Variants in NPAS3 observed in about 807,000 individuals in gnomAD.
The protein encoded by NPAS3 is neuronal PAS domain protein 3.
Under a neutral mutation model 73.1 loss-of-function variants are expected in NPAS3, and 14 were observed. The observed-to-expected ratio is 0.19, with a 90% CI of 0.13 to 0.30. The LOEUF is 0.30. Ranked by LOEUF, NPAS3 falls within the 10% of genes least tolerant of loss-of-function variation. The pLI, the probability that NPAS3 is intolerant of heterozygous loss-of-function variation, is 1.00. For missense variants in NPAS3, 1,096 were observed against 1,250.0 expected, an observed-to-expected ratio of 0.88 and a Z score of 1.86; for synonymous variants, 620 against 541.5, an observed-to-expected ratio of 1.14 and a Z score of -2.01.
intron 1 of NPAS3, among the ~76,000 whole-genome samples, chr14:33,032,659 C>T (rs949664479): frequency 1.3e-5 from 2 of 152,194 alleles, no homozygotes; most frequent in African/African-American, 2.4e-5. Flanking sequence ...GCGGTTTACA[C>T]GGACTCCCAG....
chr14:33,022,096 T>C (rs537196534), intron 1 of NPAS3, among the ~76,000 whole-genome samples: 1 of 152,314 alleles, frequency 6.6e-6, no homozygotes, highest in East Asian at 1.9e-4. Context: ...TGTAGCCTCC[T>C]GCTCACCTAC....
chr14:33,729,535 G>A (rs1009320822), intron 6 of NPAS3, among the ~76,000 whole-genome samples: 9 of 152,076 alleles, frequency 5.9e-5, no homozygotes, highest in South Asian at 2.1e-4. Flanking sequence ...GATGGCAGCC[G>A]GAGCACAGTC....
At chr14:33,372,743 T>C (rs1566842507) in intron 4 of NPAS3, among the ~76,000 whole-genome samples, 1 of 152,236 alleles carries the variant, frequency 6.6e-6, no homozygotes, top group Non-Finnish European at 1.5e-5. Flanking sequence ...CAAGGCATTA[T>C]AGTTCACTAA....
At chr14:33,146,894 G>A (rs2044254931) in intron 2 of NPAS3, among the ~76,000 whole-genome samples, 1 of 152,160 alleles carries the variant, frequency 6.6e-6, no homozygotes, top group Non-Finnish European at 1.5e-5. Flanking sequence ...TTCCTTCCCT[G>A]TTTCCTTTGT....
intron 7 of NPAS3, among the ~76,000 whole-genome samples, chr14:33,762,806 G>A (rs899365630): frequency 1.3e-5 from 2 of 152,170 alleles, no homozygotes; most frequent in African/African-American, 2.4e-5. Context: ...TTGGTGACAC[G>A]CACAAAAGTC....
intron 4 of NPAS3, among the ~76,000 whole-genome samples, chr14:33,514,753 T>G (rs954823730): frequency 1.3e-5 from 2 of 152,096 alleles, no homozygotes; most frequent in Admixed American, 6.6e-5. Flanking sequence ...CTGACATACC[T>G]GTGATTATTT....
chr14:33,697,415 T>G (rs1048755895), intron 6 of NPAS3, among the ~76,000 whole-genome samples: 1 of 152,216 alleles, frequency 6.6e-6, no homozygotes, highest in Admixed American at 6.5e-5. Flanking sequence ...CGGTTTTGAA[T>G]GATTTATTCT....
At chr14:33,756,285 T>C (rs962197825) in intron 7 of NPAS3, among the ~76,000 whole-genome samples, 3 of 152,188 alleles carry the variant, frequency 2.0e-5, no homozygotes, top group African/African-American at 7.2e-5. Context: ...TACTACATAG[T>C]GAATGCCCTG....
intron 4 of NPAS3, among the ~76,000 whole-genome samples, chr14:33,380,113 G>A (rs2046481793): frequency 6.6e-6 from 1 of 151,808 alleles, no homozygotes; most frequent in African/African-American, 2.4e-5. Flanking sequence ...TTAGGTATCT[G>A]ACTTTTTGTA....
chr14:33,241,934 T>C (rs952471514), intron 3 of NPAS3, among the ~76,000 whole-genome samples: 3 of 152,040 alleles, frequency 2.0e-5, no homozygotes, highest in Admixed American at 6.6e-5. Flanking sequence ...GACATGCATA[T>C]TGATGTAACA....
chr14:33,570,015 A>G (rs1457219427), intron 5 of NPAS3, among the ~76,000 whole-genome samples: 2 of 152,222 alleles, frequency 1.3e-5, no homozygotes, highest in Admixed American at 6.5e-5. Flanking sequence ...TTGTATTACA[A>G]TACAGATGGG....
At chr14:32,995,563 T>C (rs1279202) in intron 1 of NPAS3, among the ~76,000 whole-genome samples, 147,774 of 152,344 alleles carry the variant, frequency 0.97, 71,737 homozygotes, top group East Asian at 1. Context: ...ACAATTCCCA[T>C]GTATTGTGGG....
intron 4 of NPAS3, among the ~76,000 whole-genome samples, chr14:33,481,792 A>C (rs925545780): frequency 6.7e-6 from 1 of 149,166 alleles, no homozygotes; most frequent in Non-Finnish European, 1.5e-5. Context: ...TCAAAAAAAT[A>C]AAAAAAAATA....
intron 5 of NPAS3, among the ~76,000 whole-genome samples, chr14:33,576,008 G>C (rs960439754): frequency 6.6e-6 from 1 of 151,832 alleles, no homozygotes; most frequent in African/African-American, 2.4e-5. Flanking sequence ...TCAACCCTTA[G>C]GTTGCCAAAT....
intron 1 of NPAS3, among the ~76,000 whole-genome samples, chr14:33,019,194 G>A (rs1299542745): frequency 6.6e-6 from 1 of 152,204 alleles, no homozygotes; most frequent in Non-Finnish European, 1.5e-5. Flanking sequence ...GCCAGCCCAA[G>A]CTGTTTAGCA....
intron 2 of NPAS3, among the ~76,000 whole-genome samples, chr14:33,155,414 C>T (rs950753234): frequency 1.3e-5 from 2 of 152,098 alleles, no homozygotes; most frequent in Non-Finnish European, 2.9e-5. Flanking sequence ...TGAGGAGGAA[C>T]TGGGTATCTC....
intron 6 of NPAS3, among the ~76,000 whole-genome samples, chr14:33,684,245 A>C (rs2060023789): frequency 6.7e-6 from 1 of 150,114 alleles, no homozygotes; most frequent in Admixed American, 6.6e-5. Flanking sequence ...TTTTTAACAT[A>C]GTCTCTTACT....
chr14:33,388,158 G>C (rs1030141213), intron 4 of NPAS3, among the ~76,000 whole-genome samples: 3 of 152,294 alleles, frequency 2.0e-5, no homozygotes, highest in South Asian at 2.1e-4. Flanking sequence ...TATAGGAAGT[G>C]GCCCTGTGTG....
chr14:33,158,136 G>T (rs754969379), intron 2 of NPAS3, among the ~76,000 whole-genome samples: 3 of 152,186 alleles, frequency 2.0e-5, no homozygotes, highest in South Asian at 2.1e-4. Context: ...ATTCAAAATC[G>T]TTGAGCAGTG....
Sources: gnomAD v4.1 joint callset for allele counts (sites outside exome capture counted in the v4.1 genomes callset) on GRCh38, gnomAD v4.1.1 for gene constraint, MANE v1.5 for transcripts, NCBI Gene and HGNC (gene_info 2026-07-23, HGNC 2026-07-21) for gene names.